ZBTB11: variants seen among roughly 807,000 people sequenced by gnomAD.
ZBTB11 encodes zinc finger and BTB domain-containing protein 11.
ZBTB11 carries 68 observed loss-of-function variants against 113.1 expected under a neutral mutation model. That is an observed-to-expected ratio of 0.60 (90% CI 0.49 to 0.74). The LOEUF (loss-of-function observed/expected upper bound fraction) is 0.74. Among genes scored for constraint, ZBTB11 ranks in the 30% least tolerant of loss-of-function variants. ZBTB11 has a pLI of 0.00. For missense variants in ZBTB11, 1,104 were observed against 1,279.4 expected (o/e 0.86, Z 2.09); for synonymous variants, 518 against 452.6 (o/e 1.14, Z -1.83).
chr3:101,655,274 C>A (rs1466930241), intron 7 of ZBTB11, among the ~76,000 whole-genome samples: 2 of 152,158 alleles, frequency 1.3e-5, no homozygotes, highest in Non-Finnish European at 2.9e-5. Context: ...TTAACAATAA[C>A]CCATGTCAAA....
In ZBTB11 at chr3:101,663,015, C is replaced by T. The variant is rs540609777; in HGVS notation, c.1800+1523G>A. 3.3e-5 allele frequency among the ~76,000 whole-genome samples: 5 copies of T among 151,892 alleles called. No homozygotes were observed. The South Asian group carries it at 1.0e-3, about 32-fold the overall frequency. On this transcript the variant is annotated intron_variant, in intron 5 of 10. Coordinates refer to ENST00000312938, the MANE Select transcript of ZBTB11 (RefSeq NM_014415.4). ...AGTGCAGTGGCACAATCTCGGCTCA[C>T]TGCAAGCTCCGCCTCCCGTGTTCAA... is the stretch of plus-strand genomic sequence containing the variant.
chr3:101,660,970 C>T (rs1488090364), intron 5 of ZBTB11, among the ~76,000 whole-genome samples: 2 of 151,784 alleles, frequency 1.3e-5, no homozygotes, highest in South Asian at 2.1e-4. Flanking sequence ...TGGTGGCTTA[C>T]GTCTGGAACC....
At chr3:101,655,892 C>T (rs1369826002) in intron 7 of ZBTB11, 2 of 241,492 alleles carry the variant, frequency 8.3e-6, no homozygotes, top group Middle Eastern at 1.4e-3. Context: ...AATCTCCTGA[C>T]CTCATGATCT....
chr3:101,667,494 G>A (rs971182379), intron 3 of ZBTB11, among the ~76,000 whole-genome samples: 3 of 152,080 alleles, frequency 2.0e-5, no homozygotes, highest in Non-Finnish European at 4.4e-5. Flanking sequence ...CTGACTCAAG[G>A]TATGTAAAGT....
chr3:101,676,939 G>C lies in ZBTB11; in HGVS notation c.-25C>G. 6.5e-7 allele frequency: 1 copy of C among 1,542,628 alleles called. No individual in the cohort carries two copies. The highest frequency in any genetic ancestry group is 8.8e-7 in the Non-Finnish European group (1 of 1,141,582). ...TCGCGGACCGCGGCTCCCTGAGGGC[G>C]CCTGTCAGGGACAGGTGAGGAAAAC... On this transcript the variant is annotated 5_prime_UTR_variant, in exon 1 of 11. Transcript: ENST00000312938.
intron 10 of ZBTB11, among the ~76,000 whole-genome samples, chr3:101,652,172 T>C (rs2108314570): frequency 6.6e-6 from 1 of 152,244 alleles, no homozygotes; most frequent in East Asian, 1.9e-4. Flanking sequence ...TAAATCTCTC[T>C]AAAGATCTTC....
rs1302472703 is a variant in ZBTB11, at chr3:101,649,684, C to T, written c.*1482G>A. ...TTAAAATTGAAAGTCAGCCACACAG[C>T]TGTTAAAACAATGGGAAATTTGCAA... On this transcript the variant is annotated 3_prime_UTR_variant, in exon 11 of 11. Transcript: ENST00000312938. 5 of 152,626 alleles carry T rather than the reference C, an allele frequency of 3.3e-5. No individual in the cohort carries two copies. The East Asian group carries it at 9.6e-4, about 29-fold the overall frequency. The allele number at this position is 152,626 out of a possible 1,614,324, so 9.5% of individuals were successfully genotyped here. A position where few individuals can be genotyped will look rare whatever the true frequency, so the allele number is the denominator to read the frequency against.
At chr3:101,669,276 C>T (rs1213143162) in intron 3 of ZBTB11, among the ~76,000 whole-genome samples, 1 of 152,226 alleles carries the variant, frequency 6.6e-6, no homozygotes, top group Admixed American at 6.5e-5. Flanking sequence ...TCAAGCAATC[C>T]ACCTGCCTCA....
chr3:101,664,445 C>T, intron 5 of ZBTB11, 93 bp downstream of exon 5: 1 of 1,266,712 alleles, frequency 7.9e-7, no homozygotes, highest in Admixed American at 2.5e-5. Flanking sequence ...CCATATAAGA[C>T]ATAGAATACA....
intron 6 of ZBTB11, among the ~76,000 whole-genome samples, chr3:101,658,761 G>C (rs1019720132): frequency 6.6e-6 from 1 of 152,086 alleles, no homozygotes; most frequent in Non-Finnish European, 1.5e-5. Context: ...GGTGAGTTGG[G>C]GGTGAGGCAT....
intron 3 of ZBTB11, among the ~76,000 whole-genome samples, chr3:101,667,171 A>C (rs1937011146): frequency 6.6e-6 from 1 of 152,158 alleles, no homozygotes; most frequent in Non-Finnish European, 1.5e-5. Flanking sequence ...CTTCTGCTTC[A>C]GCCACCTAAG....
chr3:101,651,758 C>T (rs1191483816), intron 10 of ZBTB11, 75 bp from the exon 11 acceptor site: 2 of 1,428,322 alleles, frequency 1.4e-6, no homozygotes, highest in Non-Finnish European at 9.2e-7. Context: ...TACCAAACTT[C>T]CTTTTATTAA....
chr3:101,671,903 AAAAT>A, intron 2 of ZBTB11, 71 bp downstream of exon 2: 3 of 1,217,182 alleles, frequency 2.5e-6, no homozygotes, highest in Non-Finnish European at 1.2e-6. Flanking sequence ...TGGTTTGAGA[AAAAT>A]AAGTCACCAA....
At chr3:101,663,931 G>A (rs1015535271) in intron 5 of ZBTB11, among the ~76,000 whole-genome samples, 14 of 152,036 alleles carry the variant, frequency 9.2e-5, no homozygotes, top group African/African-American at 3.1e-4. Flanking sequence ...TATTCAGTAA[G>A]CTTTTACTCT....
chr3:101,670,819 A>T (rs1937075219), intron 3 of ZBTB11: 2 of 263,508 alleles, frequency 7.6e-6, no homozygotes, highest in Admixed American at 4.9e-5. Flanking sequence ...TTTAAATAAC[A>T]TATTCATTTA....
chr3:101,671,599 A>T, intron 2 of ZBTB11: 1 of 582,424 alleles, frequency 1.7e-6, no homozygotes, highest in Non-Finnish European at 3.0e-6. Flanking sequence ...TCTTCTTACT[A>T]ATCAGAAATA....
rs7624112 is a variant in ZBTB11 at position 101,675,560 on chromosome 3, T to A, written c.310+1045A>T. 9.3e-3 allele frequency among the ~76,000 whole-genome samples: 1,417 copies of A among 152,332 alleles called. 19 individuals are homozygous for A. The highest frequency in any genetic ancestry group is 0.032 in the African/African-American group (1,342 of 41,562). On this transcript the variant is annotated intron_variant, in intron 1 of 10. Coordinates refer to ENST00000312938, the MANE Select transcript of ZBTB11 (RefSeq NM_014415.4). Reference sequence around the variant, plus strand: ...TTTCTTAAATGGGACTATAAACTATTAACTAATTCTGACAGTTTGAATATT... The same window carrying A: ...TTTCTTAAATGGGACTATAAACTATAAACTAATTCTGACAGTTTGAATATT...
At chr3:101,654,662 CA>C (rs1350121392) in intron 8 of ZBTB11, 41 bp downstream of exon 8, 2 of 1,512,058 alleles carry the variant, frequency 1.3e-6, no homozygotes, top group Admixed American at 3.8e-5. Context: ...TGAGTAAAAA[CA>C]TAATTAAATT....
chr3:101,673,638 C>G (rs933809349), intron 1 of ZBTB11, among the ~76,000 whole-genome samples: 1 of 152,064 alleles, frequency 6.6e-6, no homozygotes, highest in East Asian at 1.9e-4. Context: ...CTCAGCCTCC[C>G]GAGTAGCTGG....
Sources: gnomAD v4.1 joint callset for allele counts (sites outside exome capture counted in the v4.1 genomes callset) on GRCh38, gnomAD v4.1.1 for gene constraint, MANE v1.5 for transcripts, NCBI Gene and HGNC (gene_info 2026-07-23, HGNC 2026-07-21) for gene names.